The following RAP2A variants were observed in gnomAD, a reference collection of about 807,000 sequenced individuals.
RAP2A encodes the protein RAP2A, member of RAS oncogene family.
RAP2A carries 5 observed loss-of-function variants against 15.1 expected under a neutral mutation model. The ratio of observed to expected loss-of-function variants is 0.33; its 90% CI spans 0.17 to 0.70. The LOEUF (loss-of-function observed/expected upper bound fraction) is 0.70. Among genes scored for constraint, RAP2A ranks in the 30% least tolerant of loss-of-function variants. RAP2A has a pLI of 0.68. For missense variants in RAP2A, 111 were observed against 240.3 expected (o/e 0.46, Z 3.56); for synonymous variants, 110 against 99.7 (o/e 1.10, Z -0.62).
At chr13:97,458,508 A>T (rs977685789) in intron 1 of RAP2A, among the ~76,000 whole-genome samples, 6 of 152,200 alleles carry the variant, frequency 3.9e-5, no homozygotes, top group African/African-American at 7.2e-5. Flanking sequence ...GTCACAAAGT[A>T]GTAGATTAGG....
In RAP2A at chr13:97,464,571, A is replaced by G; in HGVS notation, c.*129A>G. 1 of 847,930 alleles carries G rather than the reference A, an allele frequency of 1.2e-6. No homozygotes were observed. Among genetic ancestry groups the G allele is most frequent in the Non-Finnish European group, 1.9e-6 (1 of 530,330 alleles). 52.5% of individuals were successfully genotyped at this position (847,930 alleles called of 1,614,324 possible). A position where few individuals can be genotyped will look rare whatever the true frequency, so the allele number is the denominator to read the frequency against. On this transcript the variant is annotated 3_prime_UTR_variant, in exon 2 of 2. Coordinates refer to ENST00000245304, the MANE Select transcript of RAP2A (RefSeq NM_021033.7). Reference sequence around the variant, plus strand: ...CAGAGAACTGCAGCCCTTATTCAGAATTGAGCAGTGATTGTCAGTTGATAT... The same window carrying G: ...CAGAGAACTGCAGCCCTTATTCAGAGTTGAGCAGTGATTGTCAGTTGATAT...
chr13:97,436,977 G>A (rs1279753737), intron 1 of RAP2A, among the ~76,000 whole-genome samples: 1 of 152,122 alleles, frequency 6.6e-6, no homozygotes, highest in Admixed American at 6.5e-5. Flanking sequence ...AATGCAGGTG[G>A]CCTCTTCTTT....
chr13:97,459,746 C>A (rs2066738711), intron 1 of RAP2A, among the ~76,000 whole-genome samples: 1 of 152,182 alleles, frequency 6.6e-6, no homozygotes, highest in African/African-American at 2.4e-5. Flanking sequence ...GCTCCCCACC[C>A]ACCACCTGAT....
Position 97,434,509 on chromosome 13 carries a change from G to C in RAP2A, c.39G>C (p.Gly13=), listed in dbSNP as rs762720602. The change falls in exon 1 of 2, where the codon GGG becomes GGC. Residue 13 remains glycine, a synonymous_variant. Coordinates refer to ENST00000245304, the MANE Select transcript of RAP2A (RefSeq NM_021033.7). ...EYKVVVLGSG[G]VGKSALTVQF... ...AAGTGGTGGTGCTGGGCTCGGGCGGGGTAGGCAAATCCGCCCTGACCGTGC... is the reference window on the plus strand; with the variant it reads ...AAGTGGTGGTGCTGGGCTCGGGCGGCGTAGGCAAATCCGCCCTGACCGTGC... 6.2e-7 allele frequency: 1 copy of C among 1,613,274 alleles called. No homozygotes were observed. The highest frequency in any genetic ancestry group is 1.3e-5 in the African/African-American group (1 of 74,990).
intron 1 of RAP2A, chr13:97,441,861 T>C (rs1394792664): frequency 1.2e-5 from 5 of 413,622 alleles, no homozygotes; most frequent in South Asian, 8.9e-5. Context: ...GTAAAACTGA[T>C]GGTGACTGAA....
In RAP2A at chr13:97,455,404, A is replaced by G. The variant is rs997789765; in HGVS notation, c.315-8801A>G. Among the ~76,000 whole-genome samples the G allele has an allele frequency of 5.3e-5, 8 of 151,506 alleles. 1 individual carries two copies. In the South Asian group the frequency reaches 1.5e-3, roughly 28 times the overall value. The stretch of plus-strand genomic sequence containing the variant: ...TTGATAGTTTTTACCCTTGAGAATT[A>G]GTTTTTCTGGTTCTTTGCATGTTTG... On this transcript the variant is annotated intron_variant, in intron 1 of 1. Coordinates refer to ENST00000245304, the MANE Select transcript of RAP2A (RefSeq NM_021033.7).
At chr13:97,453,946 TTC>T (rs1436075709) in intron 1 of RAP2A, among the ~76,000 whole-genome samples, 1 of 151,400 alleles carries the variant, frequency 6.6e-6, no homozygotes, top group Non-Finnish European at 1.5e-5. Context: ...CTACATCCTC[TTC>T]AGTGAAATGT....
intron 1 of RAP2A, among the ~76,000 whole-genome samples, chr13:97,462,952 AAAAATTG>A (rs2066754102): frequency 1.3e-5 from 2 of 152,192 alleles, no homozygotes; most frequent in African/African-American, 2.4e-5. Flanking sequence ...CCTGAATGAT[AAAAATTG>A]TCTATGCATC....
intron 1 of RAP2A, among the ~76,000 whole-genome samples, chr13:97,445,717 G>A (rs187310108): frequency 1.1e-4 from 17 of 152,306 alleles, no homozygotes; most frequent in African/African-American, 3.6e-4. Flanking sequence ...CCCCAGCTGT[G>A]TGTGAGCTCA....
intron 1 of RAP2A, among the ~76,000 whole-genome samples, chr13:97,456,389 AT>A (rs1255075794): frequency 2.0e-5 from 3 of 151,890 alleles, no homozygotes; most frequent in Non-Finnish European, 4.4e-5. Flanking sequence ...TTCTTTGGTA[AT>A]TGTTTTTTGT....
intron 1 of RAP2A, among the ~76,000 whole-genome samples, chr13:97,454,512 TAG>T (rs952749449): frequency 6.6e-6 from 1 of 151,248 alleles, no homozygotes; most frequent in African/African-American, 2.4e-5. Flanking sequence ...ACAGTCTACT[TAG>T]AGTTTGTATT....
chr13:97,459,351 A>T (rs1380266038), intron 1 of RAP2A, among the ~76,000 whole-genome samples: 1 of 152,212 alleles, frequency 6.6e-6, no homozygotes, highest in Non-Finnish European at 1.5e-5. Flanking sequence ...AGAACATGAA[A>T]GTAACTGTCA....
At chr13:97,458,556 T>C (rs1282294998) in intron 1 of RAP2A, among the ~76,000 whole-genome samples, 1 of 152,164 alleles carries the variant, frequency 6.6e-6, no homozygotes, top group African/African-American at 2.4e-5. Flanking sequence ...TCAGAATCCA[T>C]CTTCAGAGCT....
At chr13:97,446,154 G>A (rs1458227421) in intron 1 of RAP2A, among the ~76,000 whole-genome samples, 3 of 152,094 alleles carry the variant, frequency 2.0e-5, no homozygotes, top group Non-Finnish European at 4.4e-5. Flanking sequence ...GGACAGTTCA[G>A]GTCTATGCTT....
chr13:97,452,285 A>G (rs973624572), intron 1 of RAP2A, among the ~76,000 whole-genome samples: 3 of 151,090 alleles, frequency 2.0e-5, no homozygotes, highest in South Asian at 2.1e-4. Context: ...ATCCATCTCT[A>G]ATTTGTACGG....
At chr13:97,440,792 CTTTA>C (rs774280695) in intron 1 of RAP2A, among the ~76,000 whole-genome samples, 5 of 152,084 alleles carry the variant, frequency 3.3e-5, no homozygotes, top group South Asian at 2.1e-4. Flanking sequence ...TTTCCCCCTG[CTTTA>C]TTTATCTATC....
chr13:97,450,752 C>T (rs1243606311), intron 1 of RAP2A, among the ~76,000 whole-genome samples: 2 of 152,030 alleles, frequency 1.3e-5, no homozygotes, highest in Admixed American at 6.5e-5. Context: ...GCAAACACTT[C>T]CTCACAGATA....
chr13:97,439,839 G>A (rs1306000689), intron 1 of RAP2A, among the ~76,000 whole-genome samples: 1 of 152,126 alleles, frequency 6.6e-6, no homozygotes, highest in Non-Finnish European at 1.5e-5. Context: ...AAGGCGTGGG[G>A]TGTTTTAAGA....
rs772787425 is a variant in RAP2A, at chr13:97,434,823, G to C, written c.314+39G>C. The C allele has an allele frequency of 2.5e-6, 4 of 1,604,570 alleles. No individual in the cohort carries two copies. In the Admixed American group the frequency reaches 6.7e-5, roughly 27 times the overall value. On this transcript the variant is annotated intron_variant, in intron 1 of 1. Coordinates refer to ENST00000245304, the MANE Select transcript of RAP2A (RefSeq NM_021033.7). ...CACGGGGGCTTGGCGGCTGCACCCC[G>C]GAGTCACCGTCCCGGGGCTGGAACT...
Sources: allele counts gnomAD v4.1 joint callset (sites outside exome capture counted in the v4.1 genomes callset), GRCh38; gene constraint gnomAD v4.1.1; transcripts MANE v1.5; gene names NCBI Gene and HGNC (gene_info 2026-07-23, HGNC 2026-07-21).